ZNF160: variants seen among roughly 807,000 people sequenced by gnomAD.
ZNF160 encodes zinc finger protein 160.
A neutral mutation model predicts 13.1 loss-of-function variants in ZNF160; 9 were observed. The ratio of observed to expected loss-of-function variants is 0.69; its 90% CI spans 0.41 to 1.20. The LOEUF (loss-of-function observed/expected upper bound fraction) is 1.20. Ranked by LOEUF, ZNF160 falls within the 50% of genes most tolerant of loss-of-function variation. The pLI is 0.01. For synonymous variants in ZNF160, 293 were observed against 333.2 expected, an observed-to-expected ratio of 0.88 and a Z score of 1.31; for missense variants, 838 against 988.0, an observed-to-expected ratio of 0.85 and a Z score of 2.04.
At chr19:53,075,594 T>TA in intron 3 of ZNF160, 1 of 366,170 alleles carries the variant, frequency 2.7e-6, no homozygotes, top group Non-Finnish European at 5.4e-6. Flanking sequence ...AAGGCCTCCA[T>TA]AATGGGGCCT....
At chr19:53,098,573 C>T (rs1054174484) in intron 1 of ZNF160, among the ~76,000 whole-genome samples, 3 of 151,740 alleles carry the variant, frequency 2.0e-5, no homozygotes, top group South Asian at 2.1e-4. Flanking sequence ...AAAGAGAGGC[C>T]CCAGATCTCA....
At chr19:53,099,123 T>C (rs55769491) in intron 1 of ZNF160, among the ~76,000 whole-genome samples, 25,488 of 123,342 alleles carry the variant, frequency 0.21, 1,022 homozygotes, top group African/African-American at 0.37. Context: ...AAATAATCCA[T>C]GCAGAAGAGT....
chr19:53,071,367 A>T (rs1466570747), intron 5 of ZNF160, among the ~76,000 whole-genome samples: 2 of 152,002 alleles, frequency 1.3e-5, no homozygotes, highest in African/African-American at 4.8e-5. Flanking sequence ...CCTGGTCAAC[A>T]TGGCAAAACT....
chr19:53,084,117 A>C (rs10419891), intron 3 of ZNF160, among the ~76,000 whole-genome samples: 71,610 of 151,812 alleles, frequency 0.47, 17,670 homozygotes, highest in Admixed American at 0.58. Context: ...TCAATCTACA[A>C]CCCAAAGTCC....
chr19:53,073,721 C>T (rs1009873426), intron 5 of ZNF160, among the ~76,000 whole-genome samples: 2 of 152,120 alleles, frequency 1.3e-5, no homozygotes, highest in Non-Finnish European at 2.9e-5. Context: ...AAAGACTTTG[C>T]CTCTATCTCT....
chr19:53,088,789 C>T (rs74376604), intron 2 of ZNF160, among the ~76,000 whole-genome samples: 1 of 152,124 alleles, frequency 6.6e-6, no homozygotes, highest in African/African-American at 2.4e-5. Flanking sequence ...CCCACAATGA[C>T]AGCTTCTCCA....
At chr19:53,097,388 C>A (rs1436851831) in intron 1 of ZNF160, among the ~76,000 whole-genome samples, 1 of 146,642 alleles carries the variant, frequency 6.8e-6, no homozygotes, top group Admixed American at 6.7e-5. Flanking sequence ...TTCTTAGGAT[C>A]CCCGTTGCCC....
At chr19:53,089,418 A>G (rs1413500751) in intron 2 of ZNF160, among the ~76,000 whole-genome samples, 1 of 152,228 alleles carries the variant, frequency 6.6e-6, no homozygotes, top group Admixed American at 6.5e-5. Flanking sequence ...TCAGCATCAT[A>G]TAATACTAAA....
intron 3 of ZNF160, among the ~76,000 whole-genome samples, chr19:53,081,553 A>G (rs2084632320): frequency 6.6e-6 from 1 of 152,162 alleles, no homozygotes; most frequent in Non-Finnish European, 1.5e-5. Context: ...AATCAAAACC[A>G]TAATGAGACA....
chr19:53,078,738 C>G (rs747508205), intron 3 of ZNF160, among the ~76,000 whole-genome samples: 4 of 151,256 alleles, frequency 2.6e-5, no homozygotes, highest in African/African-American at 4.9e-5. Flanking sequence ...CCTACTGTGT[C>G]TGAGTGAGAA....
At chr19:53,099,520 G>C (rs1264051553) in intron 1 of ZNF160, among the ~76,000 whole-genome samples, 1 of 152,174 alleles carries the variant, frequency 6.6e-6, no homozygotes, top group Non-Finnish European at 1.5e-5. Context: ...CCCTACCAGG[G>C]ACTGACATGA....
chr19:53,069,009 A>C lies in ZNF160; in HGVS notation c.1525T>G (p.Tyr509Asp). ...GCTTTCCCACACTCATTACACTTGT[A>C]AGGTTTCTCTCCAGTATGAATTCTT... is the stretch of plus-strand genomic sequence containing the variant. Reference protein sequence around the residue: ...HRRIHTGEKPYKCNECGKAFS... With the variant: ...HRRIHTGEKPDKCNECGKAFS... The change falls in exon 6 of 6, where the codon TAC becomes GAC. Residue 509 changes from tyrosine (Y) to aspartate (D), a missense_variant. Around this residue, in one of 3 missense-constraint regions of ZNF160, gnomAD observed 400 missense variants for 538.9 expected, o/e 0.74. Coordinates refer to ENST00000683776, the MANE Select transcript of ZNF160 (RefSeq NM_001322131.2). This position sits in a 1 kb window ranked among gnomAD's most constrained non-coding sequence, Gnocchi z 4.4. 1 of 1,614,212 alleles carries C rather than the reference A, an allele frequency of 6.2e-7. No homozygotes were observed. Among genetic ancestry groups the C allele is most frequent in the Non-Finnish European group, 8.5e-7 (1 of 1,180,050 alleles).
intron 3 of ZNF160, among the ~76,000 whole-genome samples, chr19:53,076,750 CT>C (rs1167467857): frequency 6.6e-6 from 1 of 152,138 alleles, no homozygotes; most frequent in African/African-American, 2.4e-5. Flanking sequence ...ACCAAATTGT[CT>C]TTGTGGGAAA....
chr19:53,070,971 G>GT (rs2084149822), intron 5 of ZNF160, among the ~76,000 whole-genome samples: 1 of 152,032 alleles, frequency 6.6e-6, no homozygotes, highest in African/African-American at 2.4e-5. Flanking sequence ...GCTAAGGTGG[G>GT]TGGATCATGA....
chr19:53,090,274 T>C (rs2084986749), intron 2 of ZNF160, among the ~76,000 whole-genome samples: 1 of 152,124 alleles, frequency 6.6e-6, no homozygotes, highest in African/African-American at 2.4e-5. Context: ...TCTCCCTATC[T>C]TGCTGTCCTT....
chr19:53,084,615 A>G (rs2084760958), intron 3 of ZNF160, among the ~76,000 whole-genome samples: 1 of 152,250 alleles, frequency 6.6e-6, no homozygotes, highest in African/African-American at 2.4e-5. Flanking sequence ...GGAGCAAAGT[A>G]TAAAAATTCA....
At chr19:53,073,468 T>C in intron 5 of ZNF160, 1 of 1,598,114 alleles carries the variant, frequency 6.3e-7, no homozygotes, top group African/African-American at 1.3e-5. Context: ...GGGCAGCAGA[T>C]GCCAAGGAGC....
chr19:53,068,357 A>G lies in ZNF160; in HGVS notation c.2177T>C (p.Ile726Thr). 6.2e-7 allele frequency: 1 copy of G among 1,614,116 alleles called. No individual in the cohort carries two copies. The highest frequency in any genetic ancestry group is 8.5e-7 in the Non-Finnish European group (1 of 1,180,020). The change falls in exon 6 of 6, where the codon ATC becomes ACC. Residue 726 changes from isoleucine (I) to threonine (T), a missense_variant. By Grantham distance (89) the Ile-to-Thr change is moderately conservative (BLOSUM62 -1). Transcript: ENST00000683776. ...VRSSLTTHQA[I>T]HTGKKPYKCN... ...TTTGTAAGGTTTTTTCCCAGTATGG[A>G]TTGCCTGATGGGTGGTTAGGCTTGA... is the stretch of plus-strand genomic sequence containing the variant.
rs1444402322 is a variant in ZNF160, at chr19:53,068,855, G to C, written c.1679C>G (p.Ser560Cys). ...SHLRSHRGIHSGEKPYKCNEC... is the reference protein window; with the variant it reads ...SHLRSHRGIHCGEKPYKCNEC... ...ATTACACTTGTAAGGTTTCTCTCCA[G>C]AATGAATTCCCCGATGACTTCTAAG... is the stretch of plus-strand genomic sequence containing the variant. The change falls in exon 6 of 6, where the codon TCT (serine) becomes TGT (cysteine). Residue 560 changes from serine to cysteine, a missense_variant. Ser to Cys is a moderately radical substitution (Grantham distance 112). Coordinates refer to ENST00000683776, the MANE Select transcript of ZNF160 (RefSeq NM_001322131.2). 9 of 1,614,008 alleles carry C rather than the reference G, an allele frequency of 5.6e-6. No individual in the cohort carries two copies. The highest frequency in any genetic ancestry group is 7.6e-6 in the Non-Finnish European group (9 of 1,180,022).
Sources: allele counts gnomAD v4.1 joint callset (sites outside exome capture counted in the v4.1 genomes callset), GRCh38; gene constraint gnomAD v4.1.1; regional missense constraint gnomAD v4.1.1; non-coding constraint Gnocchi (gnomAD v3.1); transcripts MANE v1.5; gene names NCBI Gene and HGNC (gene_info 2026-07-23, HGNC 2026-07-21).